Variants in CCSER1 observed in about 807,000 individuals in gnomAD.
The protein encoded by CCSER1 is serine-rich coiled-coil domain-containing protein 1.
A neutral mutation model predicts 82.0 loss-of-function variants in CCSER1; 41 were observed. The observed-to-expected ratio is 0.50, with a 90% CI of 0.39 to 0.65. The LOEUF is 0.65. CCSER1 is among the 30% of genes least tolerant of loss of function. The probability of loss-of-function intolerance (pLI) is 0.00; values close to 1 mark genes in which losing one functional copy is unlikely to be tolerated. For synonymous variants in CCSER1, 414 were observed against 383.9 expected (o/e 1.08, Z -0.92); for missense variants, 1,119 against 1,064.2 (o/e 1.05, Z -0.72).
intron 10 of CCSER1, among the ~76,000 whole-genome samples, chr4:91,330,861 G>A (rs558148196): frequency 6.6e-6 from 1 of 152,248 alleles, no homozygotes; most frequent in South Asian, 2.1e-4. Flanking sequence ...TAAATGTAAA[G>A]TTCCACAAAT....
At chr4:91,567,038 T>C (rs1394933798) in intron 10 of CCSER1, among the ~76,000 whole-genome samples, 1 of 152,026 alleles carries the variant, frequency 6.6e-6, no homozygotes, top group Non-Finnish European at 1.5e-5. Flanking sequence ...GTGCTATGAA[T>C]TTCCCTGCCT....
chr4:91,092,596 T>A (rs925986235), intron 10 of CCSER1, among the ~76,000 whole-genome samples: 1 of 152,204 alleles, frequency 6.6e-6, no homozygotes, highest in Non-Finnish European at 1.5e-5. Flanking sequence ...AAATACTGGC[T>A]GAACAGCTTT....
chr4:91,401,374 A>T (rs1391809579), intron 10 of CCSER1, among the ~76,000 whole-genome samples: 1 of 148,294 alleles, frequency 6.7e-6, no homozygotes, highest in Admixed American at 6.8e-5. Context: ...TATTATATAT[A>T]ATATAACATA....
At chr4:90,190,832 A>G (rs1735486258) in intron 1 of CCSER1, among the ~76,000 whole-genome samples, 2 of 152,082 alleles carry the variant, frequency 1.3e-5, no homozygotes, top group Non-Finnish European at 2.9e-5. Flanking sequence ...TCTTCCTAGT[A>G]CTTGGAACAA....
At position 90,960,023 on chromosome 4, in the gene CCSER1, C is replaced by T. The variant is rs911935742; in HGVS notation, c.2172+36576C>T. On this transcript the variant is annotated intron_variant, in intron 9 of 10. Coordinates refer to ENST00000509176, the MANE Select transcript of CCSER1 (RefSeq NM_001145065.2). ...TTAATTGTGCTCCAGCAAGACAGTT[C>T]GGCAAGAATCGCTTAAATTCCATTT... is the stretch of plus-strand genomic sequence containing the variant. Among the ~76,000 whole-genome samples the T allele has an allele frequency of 3.3e-5, 5 of 152,022 alleles. No individual in the cohort carries two copies. The East Asian group carries it at 7.7e-4, about 23-fold the overall frequency.
chr4:91,574,502 A>C (rs1288123278), intron 10 of CCSER1, among the ~76,000 whole-genome samples: 1 of 152,154 alleles, frequency 6.6e-6, no homozygotes. Flanking sequence ...CTAGGTGCCC[A>C]TTAACACTGA....
chr4:90,909,991 C>A (rs763773454), intron 8 of CCSER1, among the ~76,000 whole-genome samples: 1 of 152,116 alleles, frequency 6.6e-6, no homozygotes, highest in Non-Finnish European at 1.5e-5. Flanking sequence ...TTAATTGACT[C>A]ACAGTACCAC....
At chr4:90,855,696 A>G (rs779570227) in intron 8 of CCSER1, among the ~76,000 whole-genome samples, 5 of 152,160 alleles carry the variant, frequency 3.3e-5, no homozygotes, top group Non-Finnish European at 7.4e-5. Flanking sequence ...TAATTGATTA[A>G]TATCTTTATG....
chr4:90,551,706 C>CTCTCTCTCTCTCTCTCTCTATATA, intron 5 of CCSER1, among the ~76,000 whole-genome samples: 5 of 104,238 alleles, frequency 4.8e-5, no homozygotes, highest in African/African-American at 1.8e-4. Context: ...CTCTCTCTCT[C>CTCTCTCTCTCTCTCTCTCTATATA]TATATATATA....
At chr4:91,189,407 T>G (rs2149045723) in intron 10 of CCSER1, among the ~76,000 whole-genome samples, 1 of 152,310 alleles carries the variant, frequency 6.6e-6, no homozygotes, top group East Asian at 1.9e-4. Context: ...GCTGAAAATT[T>G]ACTTAGTGAT....
intron 5 of CCSER1, among the ~76,000 whole-genome samples, chr4:90,504,100 A>G (rs1332815387): frequency 6.6e-6 from 1 of 151,876 alleles, no homozygotes; most frequent in Admixed American, 6.6e-5. Context: ...TTCTTCTTAA[A>G]TCGATATTTT....
intron 1 of CCSER1, among the ~76,000 whole-genome samples, chr4:90,150,012 G>A (rs1359907555): frequency 6.6e-6 from 1 of 152,110 alleles, no homozygotes; most frequent in East Asian, 1.9e-4. Flanking sequence ...TGGGCTAACT[G>A]CATGGGTCCA....
chr4:91,035,423 G>A (rs2150564893), intron 9 of CCSER1, among the ~76,000 whole-genome samples: 1 of 152,218 alleles, frequency 6.6e-6, no homozygotes, highest in Admixed American at 6.5e-5. Flanking sequence ...CATTCTTAGA[G>A]TAAATGCACA....
intron 10 of CCSER1, among the ~76,000 whole-genome samples, chr4:91,310,761 G>C (rs1002921900): frequency 1.3e-5 from 2 of 151,864 alleles, no homozygotes; most frequent in Non-Finnish European, 2.9e-5. Flanking sequence ...AGTCTAATCT[G>C]ATCTTGTCAA....
chr4:91,071,291 G>C (rs1462411743), intron 9 of CCSER1, among the ~76,000 whole-genome samples: 1 of 152,158 alleles, frequency 6.6e-6, no homozygotes, highest in African/African-American at 2.4e-5. Flanking sequence ...AATTTATACA[G>C]TGTGTTAAAA....
chr4:91,592,360 G>A lies in CCSER1; in HGVS notation c.2218-6212G>A, dbSNP rs547840938. The stretch of plus-strand genomic sequence containing the variant: ...CTCTCCCATGACATGTGGGGATTAC[G>A]GGAACTACAACTCAAGATGAGATTT... On this transcript the variant is annotated intron_variant, in intron 10 of 10. Coordinates refer to ENST00000509176, the MANE Select transcript of CCSER1 (RefSeq NM_001145065.2). Among the ~76,000 whole-genome samples, 9 of 152,206 alleles carry A rather than the reference G, an allele frequency of 5.9e-5. No homozygotes were observed. In the East Asian group the frequency reaches 1.2e-3, roughly 20 times the overall value.
rs1766927335 is a variant in CCSER1 at position 90,485,705 on chromosome 4, C to T, written c.1724+17351C>T. ...TGATCCTTTCCTTTCTTCCACCCTC[C>T]AGTCTCTGATAAGCCCCAGTGTGTG... On this transcript the variant is annotated intron_variant, in intron 5 of 10. Transcript: ENST00000509176. Among the ~76,000 whole-genome samples, 5 of 152,044 alleles carry T rather than the reference C, an allele frequency of 3.3e-5. No individual in the cohort carries two copies. The South Asian group carries it at 1.0e-3, about 32-fold the overall frequency.
At chr4:90,537,697 C>T (rs1018931082) in intron 5 of CCSER1, among the ~76,000 whole-genome samples, 1 of 152,222 alleles carries the variant, frequency 6.6e-6, no homozygotes, top group South Asian at 2.1e-4. Context: ...TGTGTAAGGA[C>T]TTTTCTTCAC....
At chr4:91,510,505 CT>C (rs1223840954) in intron 10 of CCSER1, among the ~76,000 whole-genome samples, 1 of 152,040 alleles carries the variant, frequency 6.6e-6, no homozygotes, top group Non-Finnish European at 1.5e-5. Context: ...TATTTTTTGA[CT>C]TTTTAATAAT....
Sources: gnomAD v4.1 joint callset for allele counts (sites outside exome capture counted in the v4.1 genomes callset) on GRCh38, gnomAD v4.1.1 for gene constraint, MANE v1.5 for transcripts, NCBI Gene and HGNC (gene_info 2026-07-23, HGNC 2026-07-21) for gene names.